ADCY9: variants seen among roughly 807,000 people sequenced by gnomAD.
ADCY9 encodes adenylate cyclase type 9.
Under a neutral mutation model 101.5 loss-of-function variants are expected in ADCY9, and 50 were observed. The observed-to-expected ratio is 0.49, with a 90% confidence interval of 0.39 to 0.62. The LOEUF (loss-of-function observed/expected upper bound fraction) is 0.62. Among genes scored for constraint, ADCY9 ranks in the 20% least tolerant of loss-of-function variants. ADCY9 has a pLI of 0.00. For synonymous variants in ADCY9, 905 were observed against 769.3 expected (o/e 1.18, Z -2.92); for missense variants, 1,662 against 1,800.4 (o/e 0.92, Z 1.39).
At chr16:4,071,913 C>T (rs12599912) in intron 2 of ADCY9, among the ~76,000 whole-genome samples, 1 of 151,370 alleles carries the variant, frequency 6.6e-6, no homozygotes, top group African/African-American at 2.4e-5. Context: ...CGGGTTCAAG[C>T]GATTCTCGCG....
chr16:4,063,311 C>T (rs1344054390), intron 2 of ADCY9, among the ~76,000 whole-genome samples: 1 of 151,826 alleles, frequency 6.6e-6, no homozygotes, highest in African/African-American at 2.4e-5. Context: ...AAGAAAAACA[C>T]AGCAGATCAA....
At chr16:3,997,949 C>T (rs901169500) in intron 3 of ADCY9, among the ~76,000 whole-genome samples, 3 of 151,882 alleles carry the variant, frequency 2.0e-5, no homozygotes, top group African/African-American at 7.3e-5. Flanking sequence ...CAAAAATTAG[C>T]TGGGTGTGGT....
intron 2 of ADCY9, among the ~76,000 whole-genome samples, chr16:4,009,277 TG>T (rs2056387745): frequency 1.3e-5 from 2 of 152,120 alleles, no homozygotes; most frequent in Non-Finnish European, 2.9e-5. Flanking sequence ...TGTTTTGTTT[TG>T]TTTTTCCTTT....
chr16:4,104,546 A>G (rs767037949), intron 2 of ADCY9, among the ~76,000 whole-genome samples: 3 of 152,080 alleles, frequency 2.0e-5, no homozygotes, highest in Non-Finnish European at 4.4e-5. Flanking sequence ...CAGGAGGTCA[A>G]GGCTGGAGTG....
intron 2 of ADCY9, among the ~76,000 whole-genome samples, chr16:4,033,463 C>CT (rs1206561893): frequency 7.4e-6 from 1 of 135,366 alleles, no homozygotes; most frequent in African/African-American, 2.8e-5. Context: ...GAGACGGAGT[C>CT]TTGCTCTGTC....
chr16:4,052,759 T>C (rs1318464582), intron 2 of ADCY9, among the ~76,000 whole-genome samples: 1 of 152,204 alleles, frequency 6.6e-6, no homozygotes, highest in Non-Finnish European at 1.5e-5. Context: ...ATAAATATGC[T>C]ACTCAAAGAA....
At chr16:4,093,527 G>C (rs1181486952) in intron 2 of ADCY9, among the ~76,000 whole-genome samples, 2 of 152,112 alleles carry the variant, frequency 1.3e-5, no homozygotes, top group Middle Eastern at 6.3e-3. Flanking sequence ...ATATTATTAA[G>C]TAATAAAAGA....
chr16:3,986,560 C>T (rs957774087), intron 6 of ADCY9, among the ~76,000 whole-genome samples: 9 of 152,286 alleles, frequency 5.9e-5, no homozygotes, highest in African/African-American at 1.2e-4. Context: ...CGGGTTCAGG[C>T]GATTTTCCTG....
intron 3 of ADCY9, among the ~76,000 whole-genome samples, chr16:4,003,096 G>C (rs2056341935): frequency 6.6e-6 from 1 of 152,098 alleles, no homozygotes; most frequent in African/African-American, 2.4e-5. Context: ...ATCACCCACA[G>C]GGTTCATGAG....
intron 7 of ADCY9, among the ~76,000 whole-genome samples, chr16:3,981,471 T>C (rs1209096879): frequency 6.6e-6 from 1 of 152,180 alleles, no homozygotes; most frequent in African/African-American, 2.4e-5. Flanking sequence ...TTTGGGGTGA[T>C]GGAGGTGCCC....
At chr16:4,071,136 C>T (rs777072809) in intron 2 of ADCY9, among the ~76,000 whole-genome samples, 3 of 150,410 alleles carry the variant, frequency 2.0e-5, no homozygotes, top group Non-Finnish European at 4.4e-5. Flanking sequence ...TCGAGGCCAG[C>T]CTGGCCAATA....
In ADCY9 at chr16:3,965,939, G is replaced by A; in HGVS notation, c.3898C>T (p.Gln1300Ter). 1 of 1,614,190 alleles carries A rather than the reference G, an allele frequency of 6.2e-7. No homozygotes were observed. The highest frequency in any genetic ancestry group is 1.1e-5 in the South Asian group (1 of 91,086). ...KTSLGSDSST[Q>*]AKDAHLSPKR... The stretch of plus-strand genomic sequence containing the variant: ...GGGGACAGGTGGGCATCCTTGGCCT[G>A]CGTGCTGCTGTCAGAACCCAGAGAT... Residue 1300 changes from glutamine to a stop codon, truncating the protein, a stop_gained, in exon 11 of 11, where the codon CAG (glutamine) becomes TAG (stop). Transcript: ENST00000294016. LOFTEE classifies it low-confidence loss of function (END_TRUNC).
chr16:4,027,131 C>A (rs2056521193), intron 2 of ADCY9, among the ~76,000 whole-genome samples: 1 of 152,146 alleles, frequency 6.6e-6, no homozygotes, highest in South Asian at 2.1e-4. Flanking sequence ...ACCAAGTAAC[C>A]AATGGTAAAC....
chr16:4,014,166 A>C (rs2056422115), intron 2 of ADCY9, among the ~76,000 whole-genome samples: 1 of 152,046 alleles, frequency 6.6e-6, no homozygotes, highest in Admixed American at 6.6e-5. Context: ...TAAAAATACA[A>C]AAATTAACTG....
intron 2 of ADCY9, among the ~76,000 whole-genome samples, chr16:4,079,175 C>G (rs2056886597): frequency 6.6e-6 from 1 of 152,200 alleles, no homozygotes; most frequent in Non-Finnish European, 1.5e-5. Context: ...TGATTCAAAG[C>G]TGGAAACAAT....
intron 3 of ADCY9, among the ~76,000 whole-genome samples, chr16:4,000,693 C>T (rs2056323617): frequency 6.6e-6 from 1 of 151,888 alleles, no homozygotes; most frequent in South Asian, 2.1e-4. Flanking sequence ...GGGGCGGAGT[C>T]GAAAAGTCCC....
chr16:4,024,505 T>G (rs2141744811), intron 2 of ADCY9, among the ~76,000 whole-genome samples: 1 of 152,126 alleles, frequency 6.6e-6, no homozygotes. Flanking sequence ...TTGATTTGAG[T>G]TTCACCAATT....
At chr16:4,042,655 T>A (rs926322424) in intron 2 of ADCY9, among the ~76,000 whole-genome samples, 1 of 152,178 alleles carries the variant, frequency 6.6e-6, no homozygotes, top group African/African-American at 2.4e-5. Context: ...AATGAACATA[T>A]AGTTATTTTT....
rs566769306 is a variant in ADCY9, at chr16:4,077,269, T to TC, written c.1693+36480dup. ...GCCTGCATGGAACAGCACAGCCTTG[T>TC]CCCCCCCCGAGGACACTTCCTGTGA... On this transcript the variant is annotated intron_variant, in intron 2 of 10. Transcript: ENST00000294016. 2.6e-4 allele frequency among the ~76,000 whole-genome samples: 40 copies of TC among 151,414 alleles called. No homozygotes were observed. In the South Asian group the frequency reaches 2.9e-3, roughly 11 times the overall value.
Sources: allele counts gnomAD v4.1 joint callset (sites outside exome capture counted in the v4.1 genomes callset), GRCh38; gene constraint gnomAD v4.1.1; transcripts MANE v1.5; gene names NCBI Gene and HGNC (gene_info 2026-07-23, HGNC 2026-07-21).